KATNBL1: variants seen among roughly 807,000 people sequenced by gnomAD.
KATNBL1 encodes katanin regulatory subunit B1 like 1, also known as KATNB1-like protein 1.
In KATNBL1, 28 loss-of-function variants were observed where a neutral mutation model predicts 44.7. That is an observed-to-expected ratio of 0.63 (90% CI 0.46 to 0.86). KATNBL1 has a LOEUF of 0.86. Ranked by LOEUF, KATNBL1 falls within the 40% of genes least tolerant of loss-of-function variation. KATNBL1 has a pLI of 0.00. For synonymous variants in KATNBL1, 78 were observed against 114.9 expected (o/e 0.68, Z 2.06); for missense variants, 272 against 350.7 (o/e 0.78, Z 1.79).
intron 2 of KATNBL1, among the ~76,000 whole-genome samples, chr15:34,161,814 G>T (rs1430401464): frequency 6.6e-6 from 1 of 152,130 alleles, no homozygotes. Context: ...CTCTAAATAT[G>T]TGAGTATAAA....
At chr15:34,153,996 AT>A (rs1399702156) in intron 3 of KATNBL1, among the ~76,000 whole-genome samples, 5 of 152,186 alleles carry the variant, frequency 3.3e-5, no homozygotes, top group African/African-American at 9.7e-5. Flanking sequence ...CAAAACCCAT[AT>A]TTTCTAAAAT....
At chr15:34,168,023 G>A (rs980282225) in intron 1 of KATNBL1, among the ~76,000 whole-genome samples, 4 of 152,136 alleles carry the variant, frequency 2.6e-5, no homozygotes, top group Admixed American at 2.6e-4. Flanking sequence ...TGAAGAAACT[G>A]CATCAATTAA....
chr15:34,209,437 T>A (rs1567543150), intron 1 of KATNBL1: 1 of 152,054 alleles, frequency 6.6e-6, no homozygotes, highest in Non-Finnish European at 1.5e-5. Context: ...TTTCAGAAAA[T>A]ACAGTAAGGT....
intron 1 of KATNBL1, among the ~76,000 whole-genome samples, chr15:34,183,293 G>C (rs2140972031): frequency 6.6e-6 from 1 of 152,300 alleles, no homozygotes; most frequent in African/African-American, 2.4e-5. Context: ...AGTGCTGTCA[G>C]GCCAATGGGA....
intron 2 of KATNBL1, among the ~76,000 whole-genome samples, chr15:34,157,728 A>G (rs2140919124): frequency 6.6e-6 from 1 of 152,282 alleles, no homozygotes; most frequent in Middle Eastern, 3.4e-3. Flanking sequence ...TCTAAGACTA[A>G]TTTGCTTAAG....
chr15:34,182,906 G>T (rs2140971412), intron 1 of KATNBL1, among the ~76,000 whole-genome samples: 1 of 152,280 alleles, frequency 6.6e-6, no homozygotes, highest in African/African-American at 2.4e-5. Context: ...TCTGTATTTT[G>T]ATTGTGGTGG....
In KATNBL1 at chr15:34,147,415, G is replaced by A. The variant is rs1208287943; in HGVS notation, c.573C>T (p.Gly191=). The A allele has an allele frequency of 3.7e-6, 6 of 1,612,286 alleles. No individual in the cohort carries two copies. The highest frequency in any genetic ancestry group is 2.2e-5 in the East Asian group (1 of 44,864). ...VAYLLRIEDL[G]VVVDCLPVLT... ...GCACAGGAAGGCAATCTACCACAAC[G>A]CCAAGATCTTCTATCCTGAGAGTAT... The change falls in exon 6 of 10, where the codon GGC becomes GGT. Residue 191 remains glycine, a synonymous_variant. Coordinates refer to ENST00000256544, the MANE Select transcript of KATNBL1 (RefSeq NM_024713.3).
At chr15:34,193,517 G>C (rs1171529899) in intron 1 of KATNBL1, among the ~76,000 whole-genome samples, 1 of 152,104 alleles carries the variant, frequency 6.6e-6, no homozygotes, top group Non-Finnish European at 1.5e-5. Context: ...CTGGGAAACA[G>C]AGCAAGACTC....
intron 1 of KATNBL1, among the ~76,000 whole-genome samples, chr15:34,206,410 C>T (rs1412445855): frequency 6.6e-6 from 1 of 152,186 alleles, no homozygotes; most frequent in South Asian, 2.1e-4. Flanking sequence ...ACGCAGAAGT[C>T]TCCAAAGTTA....
At chr15:34,172,847 T>C (rs1889213173) in intron 1 of KATNBL1, among the ~76,000 whole-genome samples, 1 of 152,068 alleles carries the variant, frequency 6.6e-6, no homozygotes, top group South Asian at 2.1e-4. Context: ...CAAAGAACTG[T>C]ATGTCAACTA....
intron 1 of KATNBL1, among the ~76,000 whole-genome samples, chr15:34,190,694 GCAT>G (rs992619235): frequency 2.0e-5 from 3 of 151,996 alleles, no homozygotes; most frequent in African/African-American, 7.2e-5. Flanking sequence ...ATCAATTTTA[GCAT>G]CAAAAAAAGA....
At chr15:34,184,284 C>T (rs1273463994) in intron 1 of KATNBL1, among the ~76,000 whole-genome samples, 5 of 146,822 alleles carry the variant, frequency 3.4e-5, no homozygotes, top group Non-Finnish European at 6.0e-5. Context: ...CCAGCCTGGA[C>T]GACAGAGCGA....
chr15:34,208,066 G>T (rs1890340313), intron 1 of KATNBL1, among the ~76,000 whole-genome samples: 1 of 152,174 alleles, frequency 6.6e-6, no homozygotes, highest in African/African-American at 2.4e-5. Flanking sequence ...CCTAAGGTTG[G>T]TTGTCCTGGC....
chr15:34,188,800 C>T (rs1889795486), intron 1 of KATNBL1, among the ~76,000 whole-genome samples: 1 of 152,176 alleles, frequency 6.6e-6, no homozygotes, highest in African/African-American at 2.4e-5. Flanking sequence ...GGCCTGCATT[C>T]AAGAGTCCTT....
intron 1 of KATNBL1, chr15:34,178,006 T>A (rs1889386952): frequency 6.6e-6 from 1 of 152,150 alleles, no homozygotes; most frequent in Admixed American, 6.6e-5. Context: ...ACCACTATAA[T>A]ACAATACATA....
chr15:34,163,423 ATTTC>A (rs1345174982), intron 2 of KATNBL1, 133 bp downstream of exon 2: 1 of 1,001,130 alleles, frequency 1.0e-6, no homozygotes, highest in East Asian at 2.9e-5. Flanking sequence ...CATTGGTTAT[ATTTC>A]ACCAATTCAA....
At chr15:34,201,488 A>G (rs1266633000) in intron 1 of KATNBL1, among the ~76,000 whole-genome samples, 1 of 152,152 alleles carries the variant, frequency 6.6e-6, no homozygotes, top group Non-Finnish European at 1.5e-5. Context: ...ATTTTGTATA[A>G]TGTGCAAGTA....
rs539956297 is a variant in KATNBL1 at position 34,161,926 on chromosome 15, T to C, written c.117+1634A>G. On this transcript the variant is annotated intron_variant, in intron 2 of 9. Coordinates refer to ENST00000256544, the MANE Select transcript of KATNBL1 (RefSeq NM_024713.3). ...GAACAAAATATAAGGAAGCTGAACA[T>C]ACTGACATACTGGTTCTTTGAAGAG... 9.2e-5 allele frequency among the ~76,000 whole-genome samples: 14 copies of C among 152,310 alleles called. No individual in the cohort carries two copies. In the East Asian group the frequency reaches 2.7e-3, roughly 29 times the overall value.
intron 2 of KATNBL1, among the ~76,000 whole-genome samples, chr15:34,158,390 T>C (rs1016346974): frequency 3.3e-5 from 5 of 152,180 alleles, no homozygotes; most frequent in African/African-American, 1.2e-4. Flanking sequence ...GAACTGCAGT[T>C]GGGGGAAGAA....
Sources: gnomAD v4.1 joint callset for allele counts (sites outside exome capture counted in the v4.1 genomes callset) on GRCh38, gnomAD v4.1.1 for gene constraint, MANE v1.5 for transcripts, NCBI Gene and HGNC (gene_info 2026-07-23, HGNC 2026-07-21) for gene names.